Variants in PACRG observed in about 807,000 individuals in gnomAD.
PACRG encodes parkin coregulated, also known as parkin coregulated gene protein.
In PACRG, 29 loss-of-function variants were observed where a neutral mutation model predicts 29.7. The ratio of observed to expected loss-of-function variants is 0.98; its 90% confidence interval spans 0.73 to 1.33. PACRG has a LOEUF of 1.33. Among genes scored for constraint, PACRG ranks in the 40% most tolerant of loss-of-function variants. PACRG has a pLI of 0.00. For synonymous variants in PACRG, 116 were observed against 118.7 expected, an observed-to-expected ratio of 0.98 and a Z score of 0.15; for missense variants, 279 against 316.2, an observed-to-expected ratio of 0.88 and a Z score of 0.89.
At chr6:163,097,241 AC>A (rs1345913990) in intron 4 of PACRG, among the ~76,000 whole-genome samples, 2 of 152,164 alleles carry the variant, frequency 1.3e-5, no homozygotes, top group African/African-American at 4.8e-5. Flanking sequence ...TTTCCTCTGG[AC>A]ATCCCCATTT....
intron 4 of PACRG, among the ~76,000 whole-genome samples, chr6:163,169,861 C>T (rs556528737): frequency 3.5e-4 from 54 of 152,258 alleles, no homozygotes; most frequent in African/African-American, 1.2e-3. Flanking sequence ...TGCTGGAGGC[C>T]GGCAGTCCAG....
intron 1 of PACRG, among the ~76,000 whole-genome samples, chr6:162,758,578 G>A (rs1270835555): frequency 6.6e-6 from 1 of 152,114 alleles, no homozygotes; most frequent in African/African-American, 2.4e-5. Flanking sequence ...ATATTCAGAA[G>A]CACTGTACTG....
intron 2 of PACRG, among the ~76,000 whole-genome samples, chr6:163,012,659 C>T (rs1011605615): frequency 1.3e-5 from 2 of 152,348 alleles, no homozygotes; most frequent in South Asian, 2.1e-4. Flanking sequence ...CTGTGCCAGG[C>T]TGTGAACCTA....
At chr6:163,193,517 G>A (rs951988040) in intron 4 of PACRG, among the ~76,000 whole-genome samples, 21 of 152,204 alleles carry the variant, frequency 1.4e-4, no homozygotes, top group African/African-American at 2.9e-4. Context: ...CAGAAATACC[G>A]AGACTGACCA....
intron 4 of PACRG, among the ~76,000 whole-genome samples, chr6:163,284,963 T>A (rs1784345498): frequency 1.3e-5 from 2 of 152,192 alleles, no homozygotes; most frequent in Admixed American, 6.5e-5. Flanking sequence ...GCCACTATCA[T>A]CACATTGCCT....
intron 2 of PACRG, among the ~76,000 whole-genome samples, chr6:163,024,839 A>G (rs2078612144): frequency 6.6e-6 from 1 of 152,190 alleles, no homozygotes; most frequent in South Asian, 2.1e-4. Flanking sequence ...AAATGCTAGT[A>G]CATTGAATCC....
intron 2 of PACRG, among the ~76,000 whole-genome samples, chr6:162,931,194 G>A (rs769474271): frequency 2.0e-5 from 3 of 151,660 alleles, no homozygotes; most frequent in South Asian, 4.1e-4. Flanking sequence ...ATTTATGAGA[G>A]TTCTTTTTAT....
At chr6:162,780,483 G>C (rs762448164) in intron 1 of PACRG, among the ~76,000 whole-genome samples, 1 of 152,022 alleles carries the variant, frequency 6.6e-6, no homozygotes, top group Non-Finnish European at 1.5e-5. Context: ...TTCTTAGCCT[G>C]TAAAAAGTAA....
intron 3 of PACRG, among the ~76,000 whole-genome samples, chr6:163,066,207 C>T (rs1394986745): frequency 6.6e-6 from 1 of 152,146 alleles, no homozygotes; most frequent in Non-Finnish European, 1.5e-5. Context: ...AGCAATACAA[C>T]AACAAATAAT....
intron 2 of PACRG, among the ~76,000 whole-genome samples, chr6:162,974,157 C>CA (rs1177220083): frequency 6.6e-6 from 1 of 151,902 alleles, no homozygotes; most frequent in African/African-American, 2.4e-5. Context: ...GGGGCTCGCT[C>CA]AAGTATTTCA....
rs565172601 is a variant in PACRG at position 163,092,942 on chromosome 6, C to T, written c.613+3534C>T. Among the ~76,000 whole-genome samples the T allele has an allele frequency of 5.9e-5, 9 of 152,262 alleles. No individual in the cohort carries two copies. In the South Asian group the frequency reaches 1.7e-3, roughly 28 times the overall value. The stretch of plus-strand genomic sequence containing the variant: ...CTCGTTGGGTGACCTGTCGCTTGGC[C>T]CTCTGTGAGCCTGTGAGTGGCATGT... On this transcript the variant is annotated intron_variant, in intron 4 of 4. Transcript: ENST00000366888.
intron 2 of PACRG, among the ~76,000 whole-genome samples, chr6:163,037,158 A>G (rs1353142400): frequency 2.0e-5 from 3 of 152,144 alleles, no homozygotes; most frequent in Admixed American, 2.0e-4. Context: ...ATCTCCACTC[A>G]TGAAATCTGG....
chr6:162,983,596 G>C (rs533628623), intron 2 of PACRG, among the ~76,000 whole-genome samples: 3 of 151,894 alleles, frequency 2.0e-5, no homozygotes, highest in Non-Finnish European at 4.4e-5. Flanking sequence ...GATATTCTTG[G>C]CTGATAATTA....
chr6:162,811,962 A>G (rs1333959), intron 1 of PACRG, among the ~76,000 whole-genome samples: 2,459 of 152,272 alleles, frequency 0.016, 21 homozygotes, highest in Middle Eastern at 0.068. Context: ...AACAACTTAT[A>G]TGATTCTACA....
chr6:163,066,727 C>T (rs1312284665), intron 3 of PACRG, among the ~76,000 whole-genome samples: 2 of 151,928 alleles, frequency 1.3e-5, no homozygotes, highest in African/African-American at 2.4e-5. Context: ...AGATCAGCTA[C>T]GAAAATTAAC....
intron 4 of PACRG, among the ~76,000 whole-genome samples, chr6:163,248,224 G>T (rs539137402): frequency 6.6e-6 from 1 of 152,180 alleles, no homozygotes; most frequent in African/African-American, 2.4e-5. Context: ...CATGTGCCCC[G>T]CAAGAAAGAT....
chr6:163,251,827 A>C (rs1782915566), intron 4 of PACRG, among the ~76,000 whole-genome samples: 1 of 152,192 alleles, frequency 6.6e-6, no homozygotes, highest in African/African-American at 2.4e-5. Flanking sequence ...AGTTATTACT[A>C]CTGGGGGCCG....
chr6:163,001,706 A>G (rs1395459993), intron 2 of PACRG, among the ~76,000 whole-genome samples: 1 of 152,202 alleles, frequency 6.6e-6, no homozygotes, highest in Non-Finnish European at 1.5e-5. Flanking sequence ...ATTTCATTAT[A>G]TGATCTTGTT....
intron 4 of PACRG, among the ~76,000 whole-genome samples, chr6:163,094,528 G>A (rs568070464): frequency 6.6e-6 from 1 of 152,208 alleles, no homozygotes; most frequent in Non-Finnish European, 1.5e-5. Flanking sequence ...GAAGATCCGT[G>A]TAGGGGTCCT....
Sources: allele counts gnomAD v4.1 joint callset (sites outside exome capture counted in the v4.1 genomes callset), GRCh38; gene constraint gnomAD v4.1.1; transcripts MANE v1.5; gene names NCBI Gene and HGNC (gene_info 2026-07-23, HGNC 2026-07-21).